SLC35F4: variants seen among roughly 807,000 people sequenced by gnomAD.
The protein encoded by SLC35F4 is chromosome 14 open reading frame 36.
SLC35F4 carries 24 observed loss-of-function variants against 44.2 expected under a neutral mutation model. The ratio of observed to expected loss-of-function variants is 0.54; its 90% CI spans 0.39 to 0.76. The LOEUF (loss-of-function observed/expected upper bound fraction) is 0.76, where lower values mean the gene tolerates loss of function less well. Ranked by LOEUF, SLC35F4 falls within the 30% of genes least tolerant of loss-of-function variation. SLC35F4 has a pLI of 0.00. For synonymous variants in SLC35F4, 238 were observed against 223.6 expected (o/e 1.06, Z -0.57); for missense variants, 562 against 586.1 (o/e 0.96, Z 0.42).
intron 1 of SLC35F4, among the ~76,000 whole-genome samples, chr14:57,908,336 T>C (rs2141049722): frequency 6.6e-6 from 1 of 152,328 alleles, no homozygotes; most frequent in Admixed American, 6.5e-5. Flanking sequence ...TTAAATGATA[T>C]TTCTCGTTCT....
At chr14:57,860,519 C>T (rs545286444) in intron 1 of SLC35F4, among the ~76,000 whole-genome samples, 1 of 152,234 alleles carries the variant, frequency 6.6e-6, no homozygotes, top group African/African-American at 2.4e-5. Context: ...TCCATGTCCA[C>T]CAAGAGGTGT....
intron 1 of SLC35F4, among the ~76,000 whole-genome samples, chr14:57,959,566 C>T (rs893907337): frequency 5.3e-5 from 8 of 152,016 alleles, no homozygotes; most frequent in Non-Finnish European, 4.4e-5. Flanking sequence ...TTCAGCAGAC[C>T]CTACTGTCCA....
chr14:57,974,705 C>A (rs180972954), downstream of SLC35F4, among the ~76,000 whole-genome samples: 11 of 151,968 alleles, frequency 7.2e-5, no homozygotes, highest in South Asian at 2.3e-3. Context: ...GATGGTGATA[C>A]CTTTAAGAAG....
chr14:57,637,000 T>G (rs148537009), intron 1 of SLC35F4, among the ~76,000 whole-genome samples: 1 of 152,236 alleles, frequency 6.6e-6, no homozygotes, highest in East Asian at 1.9e-4. Context: ...CAGAACCAGT[T>G]ACAAGGTTCT....
At chr14:57,578,554 AAT>A (rs1489933307) in intron 4 of SLC35F4, 1 of 152,026 alleles carries the variant, frequency 6.6e-6, no homozygotes, top group Non-Finnish European at 1.5e-5. Context: ...CAAAATGCTG[AAT>A]ATGTTTCAGT....
At chr14:57,902,126 A>C (rs962743065) in intron 1 of SLC35F4, among the ~76,000 whole-genome samples, 1 of 152,196 alleles carries the variant, frequency 6.6e-6, no homozygotes, top group African/African-American at 2.4e-5. Context: ...AGACATTCAA[A>C]TCAAAACATG....
chr14:57,955,757 A>G (rs1890225267), intron 1 of SLC35F4, among the ~76,000 whole-genome samples: 1 of 152,218 alleles, frequency 6.6e-6, no homozygotes, highest in Admixed American at 6.5e-5. Context: ...CTCTTCAAGA[A>G]GAACTACAAA....
intron 1 of SLC35F4, among the ~76,000 whole-genome samples, chr14:57,724,620 C>T (rs562776253): frequency 1.3e-5 from 2 of 152,292 alleles, no homozygotes; most frequent in East Asian, 3.9e-4. Flanking sequence ...AGTTCAAATG[C>T]CCATGGTCTC....
intron 1 of SLC35F4, among the ~76,000 whole-genome samples, chr14:57,629,521 C>T (rs1187500999): frequency 6.6e-6 from 1 of 151,942 alleles, no homozygotes; most frequent in African/African-American, 2.4e-5. Flanking sequence ...GAGTTCAGTG[C>T]ACAAATCACA....
chr14:57,962,660 A>T (rs1890360174), intron 1 of SLC35F4, among the ~76,000 whole-genome samples: 1 of 152,206 alleles, frequency 6.6e-6, no homozygotes, highest in Non-Finnish European at 1.5e-5. Flanking sequence ...AACCGTGAGA[A>T]ACTTGGGAAT....
chr14:57,758,490 T>C (rs1374376067), intron 1 of SLC35F4, among the ~76,000 whole-genome samples: 8 of 152,156 alleles, frequency 5.3e-5, no homozygotes, highest in Middle Eastern at 3.2e-3. Context: ...CCAGATATTA[T>C]AGTTTTCTCT....
At chr14:57,861,805 C>G (rs1004101889) in intron 1 of SLC35F4, among the ~76,000 whole-genome samples, 4 of 152,180 alleles carry the variant, frequency 2.6e-5, no homozygotes, top group African/African-American at 9.7e-5. Context: ...GATGCTCCTT[C>G]TTGATCTCCT....
At chr14:57,833,694 G>A (rs1884618932) in intron 1 of SLC35F4, among the ~76,000 whole-genome samples, 1 of 152,188 alleles carries the variant, frequency 6.6e-6, no homozygotes, top group South Asian at 2.1e-4. Context: ...CTCCAGCCAT[G>A]GCCATAGCTA....
At chr14:57,721,158 G>T (rs2140436574) in intron 1 of SLC35F4, among the ~76,000 whole-genome samples, 1 of 151,474 alleles carries the variant, frequency 6.6e-6, no homozygotes, top group East Asian at 1.9e-4. Context: ...ACTGGTTTTG[G>T]GGTTTTTGGC....
At chr14:57,823,714 T>A (rs759764748) in intron 1 of SLC35F4, among the ~76,000 whole-genome samples, 1 of 152,224 alleles carries the variant, frequency 6.6e-6, no homozygotes, top group Non-Finnish European at 1.5e-5. Context: ...GATAGGTGTT[T>A]ATTACATAGA....
At chr14:57,818,642 T>TA (rs1003649273) in intron 1 of SLC35F4, among the ~76,000 whole-genome samples, 1 of 152,098 alleles carries the variant, frequency 6.6e-6, no homozygotes, top group African/African-American at 2.4e-5. Flanking sequence ...CAACAGGTAT[T>TA]AAAAAATAAA....
chr14:57,702,275 T>C (rs139299004), intron 1 of SLC35F4, among the ~76,000 whole-genome samples: 3,444 of 150,262 alleles, frequency 0.023, 75 homozygotes, highest in South Asian at 0.088. Flanking sequence ...CACAGTTTAC[T>C]ATGGCACACA....
chr14:57,965,172 G>A (rs1890415838), intron 1 of SLC35F4, among the ~76,000 whole-genome samples: 1 of 151,890 alleles, frequency 6.6e-6, no homozygotes, highest in Non-Finnish European at 1.5e-5. Context: ...GGGTCTCACT[G>A]GGTTAAAAAT....
chr14:57,618,141 G>C (rs771967855), intron 1 of SLC35F4, among the ~76,000 whole-genome samples: 2 of 152,168 alleles, frequency 1.3e-5, no homozygotes, highest in African/African-American at 4.8e-5. Flanking sequence ...ATTAGTATAT[G>C]AGTAAAACCA....
Sources: allele counts gnomAD v4.1 joint callset (sites outside exome capture counted in the v4.1 genomes callset), GRCh38; gene constraint gnomAD v4.1.1; transcripts MANE v1.5; gene names NCBI Gene and HGNC (gene_info 2026-07-23, HGNC 2026-07-21).